FAN1: variants seen among roughly 807,000 people sequenced by gnomAD.
FAN1 encodes the protein FANCD2 and FANCI associated nuclease 1.
In FAN1, 91 loss-of-function variants were observed where a neutral mutation model predicts 104.9. That is an observed-to-expected ratio of 0.87 (90% CI 0.73 to 1.03). The LOEUF (loss-of-function observed/expected upper bound fraction) is 1.03, where lower values mean the gene tolerates loss of function less well. FAN1 is among the 50% of genes least tolerant of loss of function. FAN1 has a pLI of 0.00. For synonymous variants in FAN1, 478 were observed against 457.6 expected (o/e 1.04, Z -0.57); for missense variants, 1,263 against 1,239.9 (o/e 1.02, Z -0.28).
At chr15:30,913,074 C>T (rs1339872449) in intron 4 of FAN1, among the ~76,000 whole-genome samples, 1 of 152,136 alleles carries the variant, frequency 6.6e-6, no homozygotes, top group Non-Finnish European at 1.5e-5. Context: ...GGCCATAGAC[C>T]GATAACTGTC....
chr15:30,905,777 C>T lies in FAN1; in HGVS notation c.1114C>T (p.His372Tyr). Residue 372 changes from histidine (H) to tyrosine (Y), a missense_variant, in exon 2 of 15, where the codon CAT becomes TAT. Around this residue, in one of 2 missense-constraint regions of FAN1, gnomAD observed 682 missense variants for 571.1 expected, o/e 1.19. Transcript: ENST00000362065. ...CAATGGTCCTGGTCAAACAACCGGT[C>T]ATCCTTACTACCTTCGGAGTTTCCT... is the stretch of plus-strand genomic sequence containing the variant. The part of the protein sequence containing the change: ...SCNGPGQTTG[H>Y]PYYLRSFLVV... 1 of 1,614,212 alleles carries T rather than the reference C, an allele frequency of 6.2e-7. No individual in the cohort carries two copies. The highest frequency in any genetic ancestry group is 8.5e-7 in the Non-Finnish European group (1 of 1,180,030).
intron 13 of FAN1, among the ~76,000 whole-genome samples, chr15:30,936,608 T>G (rs926372139): frequency 1.3e-5 from 2 of 152,230 alleles, no homozygotes; most frequent in Admixed American, 6.5e-5. Context: ...GCTTCTCAAC[T>G]TATGATGGCC....
At chr15:30,921,010 C>T (rs962988765) in intron 7 of FAN1, among the ~76,000 whole-genome samples, 12 of 152,186 alleles carry the variant, frequency 7.9e-5, no homozygotes, top group African/African-American at 2.7e-4. Context: ...TCTCGAACTC[C>T]TGGGCTCAAG....
intron 13 of FAN1, among the ~76,000 whole-genome samples, chr15:30,931,586 A>C (rs2140957476): frequency 6.6e-6 from 1 of 152,322 alleles, no homozygotes; most frequent in Non-Finnish European, 1.5e-5. Flanking sequence ...TGATCATTTG[A>C]GACGCCATTT....
intron 6 of FAN1, among the ~76,000 whole-genome samples, chr15:30,918,988 C>T (rs1160907951): frequency 2.6e-5 from 4 of 152,104 alleles, no homozygotes; most frequent in Non-Finnish European, 5.9e-5. Context: ...GAAGCCCTAC[C>T]GATTACATAG....
chr15:30,941,860 A>T lies in FAN1; in HGVS notation c.*298A>T. The stretch of plus-strand genomic sequence containing the variant: ...ACAGTTTTATGTGTGTTCCAGAGAC[A>T]CGTGGCAGAATAACACCGTGCAGGT... On this transcript the variant is annotated 3_prime_UTR_variant, in exon 15 of 15. Coordinates refer to ENST00000362065, the MANE Select transcript of FAN1 (RefSeq NM_014967.5). 6.2e-7 allele frequency: 1 copy of T among 1,614,072 alleles called. No individual in the cohort carries two copies. Among genetic ancestry groups the T allele is most frequent in the Non-Finnish European group, 8.5e-7 (1 of 1,179,912 alleles).
At chr15:30,926,278 C>T (rs2062460643) in intron 10 of FAN1, among the ~76,000 whole-genome samples, 1 of 152,226 alleles carries the variant, frequency 6.6e-6, no homozygotes, top group Non-Finnish European at 1.5e-5. Flanking sequence ...CTGTTCTCTC[C>T]TGCCCCTTCC....
chr15:30,913,885 A>G lies in FAN1; in HGVS notation c.1605A>G (p.Val535=). 1 of 1,614,004 alleles carries G rather than the reference A, an allele frequency of 6.2e-7. No individual in the cohort carries two copies. Among genetic ancestry groups the G allele is most frequent in the South Asian group, 1.1e-5 (1 of 91,078 alleles). Reference sequence around the variant, plus strand: ...CCAAAGCCTTGGCTGGACAGTCAGTACGAATCTGTAAAGGCCCCAGGGCTG... The same window carrying G: ...CCAAAGCCTTGGCTGGACAGTCAGTGCGAATCTGTAAAGGCCCCAGGGCTG... The part of the protein sequence containing the change: ...KRAKALAGQS[V]RICKGPRAVF... The change falls in exon 5 of 15, where the codon GTA becomes GTG. Residue 535 remains valine, a synonymous_variant. Coordinates refer to ENST00000362065, the MANE Select transcript of FAN1 (RefSeq NM_014967.5).
intron 1 of FAN1, 26 bp from the exon 2 acceptor site, chr15:30,904,486 T>A: frequency 1.3e-6 from 1 of 742,510 alleles, no homozygotes; most frequent in Non-Finnish European, 2.4e-6. Context: ...AAAATGTTTT[T>A]AATTTATATG....
chr15:30,924,998 A>T, intron 8 of FAN1, 129 bp from the exon 9 acceptor site: 1 of 892,854 alleles, frequency 1.1e-6, no homozygotes, highest in East Asian at 2.5e-5. Context: ...AATCTCTAGA[A>T]GTGCTGTTTG....
At chr15:30,918,065 C>A in intron 5 of FAN1, 99 bp from the exon 6 acceptor site, 2 of 1,238,780 alleles carry the variant, frequency 1.6e-6, no homozygotes, top group Non-Finnish European at 1.1e-6. Flanking sequence ...TTTTAAAAAA[C>A]ACACTTTTAC....
In FAN1 at chr15:30,926,172, T is replaced by C. The variant is rs184489633; in HGVS notation, c.2488+233T>C. Among the ~76,000 whole-genome samples, 170 of 152,356 alleles carry C rather than the reference T, an allele frequency of 1.1e-3. 1 individual carries two copies. Among genetic ancestry groups the C allele is most frequent in the African/African-American group, 3.8e-3 (158 of 41,588 alleles). On this transcript the variant is annotated intron_variant, in intron 10 of 14. Transcript: ENST00000362065. ...ATCTTTTTTCTTTTATAAAAACTTATAAAAGTTATGGAAGGTACTGCACAA... is the reference window on the plus strand; with the variant it reads ...ATCTTTTTTCTTTTATAAAAACTTACAAAAGTTATGGAAGGTACTGCACAA...
At chr15:30,937,530 C>T (rs1296007413) in intron 14 of FAN1, among the ~76,000 whole-genome samples, 1 of 146,844 alleles carries the variant, frequency 6.8e-6, no homozygotes, top group Admixed American at 6.9e-5. Context: ...CGGCTCACTG[C>T]AACCTCCGCC....
Position 30,938,951 on chromosome 15 carries a change from G to A in FAN1, c.*3+1692G>A, listed in dbSNP as rs777877557. The A allele has an allele frequency of 2.2e-4, 212 of 985,264 alleles. 1 individual carries two copies. Among genetic ancestry groups the A allele is most frequent in the Non-Finnish European group, 1.5e-4 (126 of 829,910 alleles). The allele number at this position is 985,264 out of a possible 1,614,324, so 61.0% of individuals were successfully genotyped here. A position where few individuals can be genotyped will look rare whatever the true frequency, so the allele number is the denominator to read the frequency against. ...ATACTGACAACAACAAACAGTCGCT[G>A]TGGAATTTTATTAAGCCATCAAAAT... On this transcript the variant is annotated intron_variant, in intron 14 of 14. Transcript: ENST00000362065.
Position 30,942,247 on chromosome 15 carries a change from T to G in FAN1, c.*685T>G. 2 of 807,920 alleles carry G rather than the reference T, an allele frequency of 2.5e-6. No individual in the cohort carries two copies. Among genetic ancestry groups the G allele is most frequent in the Non-Finnish European group, 3.8e-6 (2 of 519,530 alleles). The allele number at this position is 807,920 out of a possible 1,614,324, so 50.0% of individuals were successfully genotyped here. A position where few individuals can be genotyped will look rare whatever the true frequency, so the allele number is the denominator to read the frequency against. ...TAATCCTCCTCCCCTGGAATTACAC[T>G]TTTTTATGTGTTGACTCTACCTAGG... On this transcript the variant is annotated 3_prime_UTR_variant, in exon 15 of 15. Transcript: ENST00000362065.
intron 2 of FAN1, among the ~76,000 whole-genome samples, chr15:30,907,202 T>A (rs2061999508): frequency 6.8e-6 from 1 of 146,414 alleles, no homozygotes; most frequent in Non-Finnish European, 1.5e-5. Flanking sequence ...TGCCTCAGCC[T>A]CCCAAAGCAC....
In FAN1 at chr15:30,929,280, T is replaced by G. The variant is rs1371494716; in HGVS notation, c.2670T>G (p.Ile890Met). The change falls in exon 12 of 15, where the codon ATT becomes ATG. Residue 890 changes from isoleucine (I) to methionine (M), a missense_variant. By Grantham distance (10) the Ile-to-Met change is conservative. Coordinates refer to ENST00000362065, the MANE Select transcript of FAN1 (RefSeq NM_014967.5). ...CCCTTGAGGCCAGGCTGCAGCTGAT[T>G]CATGATGCCCCCGAGGAGAGCCTGC... ...RPALEARLQL[I>M]HDAPEESLRA... 1 of 1,613,480 alleles carries G rather than the reference T, an allele frequency of 6.2e-7. No individual in the cohort carries two copies.
At chr15:30,918,428 T>TGC in intron 6 of FAN1, 133 bp downstream of exon 6, 5 of 866,426 alleles carry the variant, frequency 5.8e-6, no homozygotes, top group Non-Finnish European at 9.0e-6. Flanking sequence ...TTGAATTTTG[T>TGC]GCGTGCTTTG....
intron 13 of FAN1, among the ~76,000 whole-genome samples, chr15:30,931,957 T>C (rs2062721648): frequency 6.6e-6 from 1 of 150,672 alleles, no homozygotes; most frequent in South Asian, 2.1e-4. Flanking sequence ...GTACGGTGGC[T>C]CACACCTGTA....
Sources: allele counts gnomAD v4.1 joint callset (sites outside exome capture counted in the v4.1 genomes callset), GRCh38; gene constraint gnomAD v4.1.1; regional missense constraint gnomAD v4.1.1; transcripts MANE v1.5; gene names NCBI Gene and HGNC (gene_info 2026-07-23, HGNC 2026-07-21).